The following DAB1 variants were observed in gnomAD, a reference collection of about 807,000 sequenced individuals.
DAB1 encodes disabled homolog 1.
A neutral mutation model predicts 64.6 loss-of-function variants in DAB1; 15 were observed. That is an observed-to-expected ratio of 0.23 (90% CI 0.16 to 0.36). The LOEUF (loss-of-function observed/expected upper bound fraction) is 0.36. Among genes scored for constraint, DAB1 ranks in the 10% least tolerant of loss-of-function variants. The pLI, the probability that DAB1 is intolerant of heterozygous loss-of-function variation, is 1.00. For synonymous variants in DAB1, 235 were observed against 251.9 expected, an observed-to-expected ratio of 0.93 and a Z score of 0.64; for missense variants, 596 against 706.7, an observed-to-expected ratio of 0.84 and a Z score of 1.78.
chr1:57,001,643 C>T (rs1645872117), intron 14 of DAB1, among the ~76,000 whole-genome samples: 1 of 152,180 alleles, frequency 6.6e-6, no homozygotes, highest in African/African-American at 2.4e-5. Flanking sequence ...ATAATGCCCA[C>T]CTTCCCAACC....
intron 7 of DAB1, among the ~76,000 whole-genome samples, chr1:57,512,264 C>T (rs1196896122): frequency 6.6e-6 from 1 of 152,188 alleles, no homozygotes; most frequent in Non-Finnish European, 1.5e-5. Context: ...TTTTATACAG[C>T]TCTCTTCATC....
chr1:57,079,086 A>G (rs1652244759), intron 4 of DAB1, among the ~76,000 whole-genome samples: 1 of 152,184 alleles, frequency 6.6e-6, no homozygotes, highest in South Asian at 2.1e-4. Flanking sequence ...ATTACAAAAT[A>G]CTATGTTCAA....
At chr1:58,539,045 T>C (rs780255368) in intron 1 of DAB1, 1 of 872,970 alleles carries the variant, frequency 1.1e-6, no homozygotes, top group South Asian at 1.3e-5. Context: ...CTTTTGGTAC[T>C]TGAGAGGCCT....
At chr1:58,255,156 G>A (rs1010517034) in intron 4 of DAB1, among the ~76,000 whole-genome samples, 2 of 141,008 alleles carry the variant, frequency 1.4e-5, no homozygotes, top group East Asian at 4.3e-4. Flanking sequence ...GGCCAGTGAT[G>A]ATGAGCATTT....
In DAB1 at chr1:58,506,045, A is replaced by T. The variant is rs913901718; in HGVS notation, n.257+15T>A. ...CAGTAAAAATAATGTCCCGCCTTCT[A>T]CGGTGTCAGCTCACCTGAGGTATAA... On this transcript the variant is annotated intron_variant and non_coding_transcript_variant, in intron 3 of 20. Coordinates refer to the DAB1 transcript ENST00000485760. The T allele has an allele frequency of 7.1e-6, 6 of 848,314 alleles. No homozygotes were observed. In the African/African-American group the frequency reaches 8.2e-5, roughly 12 times the overall value. The allele number at this position is 848,314 out of a possible 1,614,324, so 52.5% of individuals were successfully genotyped here.
chr1:58,461,139 A>T (rs898910956), intron 3 of DAB1, among the ~76,000 whole-genome samples: 2 of 152,214 alleles, frequency 1.3e-5, no homozygotes, highest in African/African-American at 2.4e-5. Context: ...CCATTAGTAA[A>T]TTATTTTAAA....
intron 1 of DAB1, among the ~76,000 whole-genome samples, chr1:57,862,048 T>G (rs1435843409): frequency 6.6e-6 from 1 of 152,156 alleles, no homozygotes; most frequent in Non-Finnish European, 1.5e-5. Flanking sequence ...TGGAAAATAA[T>G]TCACTAAATT....
At chr1:57,077,465 G>C (rs997157529) in intron 4 of DAB1, among the ~76,000 whole-genome samples, 6 of 152,308 alleles carry the variant, frequency 3.9e-5, no homozygotes, top group African/African-American at 1.4e-4. Context: ...GAAAGACCAA[G>C]TCACCTTAAG....
chr1:57,904,270 A>G (rs1046457049), intron 5 of DAB1, among the ~76,000 whole-genome samples: 4 of 152,188 alleles, frequency 2.6e-5, no homozygotes, highest in African/African-American at 9.7e-5. Context: ...TGCATTGGCA[A>G]ATGATGTTTC....
intron 3 of DAB1, among the ~76,000 whole-genome samples, chr1:58,431,548 A>G (rs1644873011): frequency 7.4e-6 from 1 of 135,982 alleles, no homozygotes. Flanking sequence ...ATAGAGCGAG[A>G]CTCCATCTGG....
At chr1:58,491,369 T>C (rs373680544) in intron 3 of DAB1, among the ~76,000 whole-genome samples, 2 of 152,008 alleles carry the variant, frequency 1.3e-5, no homozygotes, top group Middle Eastern at 3.2e-3. Context: ...ACGAGCAAAA[T>C]AACCAGCTAA....
intron 7 of DAB1, among the ~76,000 whole-genome samples, chr1:57,645,974 A>G (rs972699267): frequency 1.3e-5 from 2 of 152,218 alleles, no homozygotes; most frequent in Non-Finnish European, 2.9e-5. Flanking sequence ...GGGTAAGTAG[A>G]TGGAATCTGA....
At chr1:58,254,112 T>A (rs1462108775) in intron 4 of DAB1, among the ~76,000 whole-genome samples, 1 of 151,206 alleles carries the variant, frequency 6.6e-6, no homozygotes, top group Non-Finnish European at 1.5e-5. Flanking sequence ...CCACATTCAC[T>A]TCAGATCCAC....
At chr1:57,637,047 G>T (rs1016578361) in intron 7 of DAB1, among the ~76,000 whole-genome samples, 1 of 152,022 alleles carries the variant, frequency 6.6e-6, no homozygotes, top group East Asian at 1.9e-4. Flanking sequence ...GTATGCAGGG[G>T]CTTTTTTTAT....
At chr1:57,293,638 A>G (rs1358180739) in intron 1 of DAB1, among the ~76,000 whole-genome samples, 5 of 152,192 alleles carry the variant, frequency 3.3e-5, no homozygotes, top group Admixed American at 2.6e-4. Flanking sequence ...GGAAATTGAT[A>G]CAAGTTAATT....
intron 7 of DAB1, among the ~76,000 whole-genome samples, chr1:57,555,491 G>A (rs957396713): frequency 4.0e-5 from 6 of 149,838 alleles, no homozygotes; most frequent in Admixed American, 6.7e-5. Context: ...ACGAAATCAC[G>A]TCTGAATAAG....
chr1:57,622,284 C>T (rs747987243), intron 7 of DAB1, among the ~76,000 whole-genome samples: 1 of 152,106 alleles, frequency 6.6e-6, no homozygotes, highest in African/African-American at 2.4e-5. Context: ...ATCTTTTGCC[C>T]AGTAAATCCT....
At chr1:58,453,746 G>A (rs1645163545) in intron 3 of DAB1, among the ~76,000 whole-genome samples, 1 of 152,140 alleles carries the variant, frequency 6.6e-6, no homozygotes, top group African/African-American at 2.4e-5. Flanking sequence ...TGGCTGTATG[G>A]AGGAAAACCT....
At chr1:57,536,908 G>A (rs1267059434) in intron 7 of DAB1, among the ~76,000 whole-genome samples, 2 of 152,140 alleles carry the variant, frequency 1.3e-5, no homozygotes, top group African/African-American at 4.8e-5. Context: ...TGCCATGTCA[G>A]GCCTGGCACC....
Sources: allele counts gnomAD v4.1 joint callset (sites outside exome capture counted in the v4.1 genomes callset), GRCh38; gene constraint gnomAD v4.1.1; transcripts MANE v1.5; gene names NCBI Gene and HGNC (gene_info 2026-07-23, HGNC 2026-07-21).